PCDHGB3: variants seen among roughly 807,000 people sequenced by gnomAD.
PCDHGB3 encodes the protein protocadherin gamma subfamily B, 3.
A neutral mutation model predicts 59.2 loss-of-function variants in PCDHGB3; 40 were observed. The observed-to-expected ratio is 0.68, with a 90% CI of 0.52 to 0.88. PCDHGB3 has a LOEUF of 0.88. Ranked by LOEUF, PCDHGB3 falls within the 40% of genes least tolerant of loss-of-function variation. The probability of loss-of-function intolerance (pLI) is 0.00; values close to 1 mark genes in which losing one functional copy is unlikely to be tolerated. For synonymous variants in PCDHGB3, 581 were observed against 503.6 expected (o/e 1.15, Z -2.06); for missense variants, 1,309 against 1,187.9 (o/e 1.10, Z -1.50).
In PCDHGB3 at chr5:141,490,091, A is replaced by T; in HGVS notation, c.2416-4716A>T. 6.2e-7 allele frequency: 1 copy of T among 1,614,240 alleles called. No homozygotes were observed. Among genetic ancestry groups the T allele is most frequent in the East Asian group, 2.2e-5 (1 of 44,888 alleles). ...CAACTAGACTATTCTTTTGGAGACC[A>T]CACATCTGAGGCAGTGCGGAACCTC... On this transcript the variant is annotated intron_variant, in intron 1 of 3. Coordinates refer to ENST00000576222, the MANE Select transcript of PCDHGB3 (RefSeq NM_018924.5). The surrounding 1 kb of genome is among the most constrained non-coding windows in gnomAD (Gnocchi z 5.4).
In PCDHGB3 at chr5:141,477,031, A is replaced by C; in HGVS notation, c.2416-17776A>C. Reference sequence around the variant, plus strand: ...TAGACCTTGTAACCGGGATGCTGACAATCAAGGGTCGGCTGGACTTCGAGG... The same window carrying C: ...TAGACCTTGTAACCGGGATGCTGACCATCAAGGGTCGGCTGGACTTCGAGG... On this transcript the variant is annotated intron_variant, in intron 1 of 3. Coordinates refer to ENST00000576222, the MANE Select transcript of PCDHGB3 (RefSeq NM_018924.5). This position sits in a 1 kb window ranked among gnomAD's most constrained non-coding sequence, Gnocchi z 4.9. The C allele has an allele frequency of 6.2e-7, 1 of 1,614,248 alleles. No individual in the cohort carries two copies. Among genetic ancestry groups the C allele is most frequent in the Non-Finnish European group, 8.5e-7 (1 of 1,180,040 alleles).
chr5:141,384,366 T>A (rs573164893), intron 1 of PCDHGB3: 1 of 1,613,896 alleles, frequency 6.2e-7, no homozygotes, highest in Non-Finnish European at 8.5e-7. Context: ...AGATCACTTA[T>A]TCCTTGGCCG....
At chr5:141,381,071 G>T (rs1343917347) in intron 1 of PCDHGB3, among the ~76,000 whole-genome samples, 1 of 152,172 alleles carries the variant, frequency 6.6e-6, no homozygotes, top group Non-Finnish European at 1.5e-5. Context: ...GATAACTATG[G>T]ATTATTTTGA....
Position 141,485,138 on chromosome 5 carries a change from T to A in PCDHGB3, c.2416-9669T>A, listed in dbSNP as rs374309554. On this transcript the variant is annotated intron_variant, in intron 1 of 3. Coordinates refer to ENST00000576222, the MANE Select transcript of PCDHGB3 (RefSeq NM_018924.5). This position sits in a 1 kb window ranked among gnomAD's most constrained non-coding sequence, Gnocchi z 5.7. ...TTGGGGCGGGTCGGCTTCATCCGCG[T>A]CTCAGGAGCAAGTAGAGAATTAGCG... is the stretch of plus-strand genomic sequence containing the variant. 17 of 1,528,690 alleles carry A rather than the reference T, an allele frequency of 1.1e-5. No individual in the cohort carries two copies. The highest frequency in any genetic ancestry group is 1.3e-5 in the Non-Finnish European group (14 of 1,109,458). 94.7% of individuals were successfully genotyped at this position (1,528,690 alleles called of 1,614,324 possible).
intron 1 of PCDHGB3, chr5:141,388,083 C>A (rs942656707): frequency 1.5e-6 from 2 of 1,358,264 alleles, no homozygotes; most frequent in South Asian, 1.3e-5. Flanking sequence ...TCGAAAACTG[C>A]GCGTCAGTTC....
chr5:141,488,564 G>A (rs1047904416), intron 1 of PCDHGB3, among the ~76,000 whole-genome samples: 4 of 152,154 alleles, frequency 2.6e-5, no homozygotes, highest in Non-Finnish European at 5.9e-5. Context: ...TGAGATTTCC[G>A]CAAAGCATTG....
chr5:141,486,146 G>T lies in PCDHGB3; in HGVS notation c.2416-8661G>T. Reference sequence around the variant, plus strand: ...TGAATTTGATGTGCGGGCTCGCGATGGGGGTTCTCCAGCCATGGAGCAACA... The same window carrying T: ...TGAATTTGATGTGCGGGCTCGCGATTGGGGTTCTCCAGCCATGGAGCAACA... On this transcript the variant is annotated intron_variant, in intron 1 of 3. Transcript: ENST00000576222. The surrounding 1 kb of genome is among the most constrained non-coding windows in gnomAD (Gnocchi z 5.0). 6.2e-7 allele frequency: 1 copy of T among 1,614,184 alleles called. No homozygotes were observed. The highest frequency in any genetic ancestry group is 8.5e-7 in the Non-Finnish European group (1 of 1,180,032).
rs144804989 is a variant in PCDHGB3 at position 141,489,791 on chromosome 5, C to T, written c.2416-5016C>T. 1.9e-6 allele frequency: 3 copies of T among 1,614,056 alleles called. No individual in the cohort carries two copies. Among genetic ancestry groups the T allele is most frequent in the Admixed American group, 1.7e-5 (1 of 60,010 alleles). Reference sequence around the variant, plus strand: ...AGCCACTTCTCTCTGAATGTGAAGACCCTAAAAGATGGGAAGCCATTCCCA... The same window carrying T: ...AGCCACTTCTCTCTGAATGTGAAGATCCTAAAAGATGGGAAGCCATTCCCA... On this transcript the variant is annotated intron_variant, in intron 1 of 3. Transcript: ENST00000576222. This position sits in a 1 kb window ranked among gnomAD's most constrained non-coding sequence, Gnocchi z 4.5.
intron 1 of PCDHGB3, chr5:141,379,257 A>G (rs1561582852): frequency 6.6e-6 from 1 of 152,234 alleles, no homozygotes. Flanking sequence ...TTTACATTTA[A>G]GGAATTGTTA....
At position 141,476,753 on chromosome 5, in the gene PCDHGB3, G is replaced by C; in HGVS notation, c.2416-18054G>C. On this transcript the variant is annotated intron_variant, in intron 1 of 3. Coordinates refer to ENST00000576222, the MANE Select transcript of PCDHGB3 (RefSeq NM_018924.5). This position sits in a 1 kb window ranked among gnomAD's most constrained non-coding sequence, Gnocchi z 7.6. Reference sequence around the variant, plus strand: ...AGAACGGGAGCCTAGTCTCCAGTTAGTGCTGACGGCGTTGGACGGAGGGAC... The same window carrying C: ...AGAACGGGAGCCTAGTCTCCAGTTACTGCTGACGGCGTTGGACGGAGGGAC... 3.1e-6 allele frequency: 5 copies of C among 1,614,012 alleles called. No individual in the cohort carries two copies. The highest frequency in any genetic ancestry group is 4.2e-6 in the Non-Finnish European group (5 of 1,180,030).
intron 1 of PCDHGB3, among the ~76,000 whole-genome samples, chr5:141,382,057 G>A (rs1777911677): frequency 6.6e-6 from 1 of 151,794 alleles, no homozygotes; most frequent in Non-Finnish European, 1.5e-5. Flanking sequence ...TCAAGCTCCC[G>A]ACCTCAGGTG....
chr5:141,494,855 G>C lies in PCDHGB3; in HGVS notation c.2464G>C (p.Gly822Arg), dbSNP rs200418116. The C allele has an allele frequency of 6.2e-7, 1 of 1,614,092 alleles. No homozygotes were observed. Among genetic ancestry groups the C allele is most frequent in the South Asian group, 1.1e-5 (1 of 91,072 alleles). ...DWRFSQAQRP[G>R]TSGSQNGDDT... is the part of the protein sequence containing the mutation. ...GCGTTTCTCTCAGGCCCAGAGACCC[G>C]GCACCAGCGGGTAGGTGACTGATTC... The change falls in exon 2 of 4, where the codon GGC (glycine) becomes CGC (arginine). Residue 822 changes from glycine (G) to arginine (R), a missense_variant. Transcript: ENST00000576222.
rs753358324 is a variant in PCDHGB3, at chr5:141,487,328, G to A, written c.2416-7479G>A. On this transcript the variant is annotated intron_variant, in intron 1 of 3. Transcript: ENST00000576222. This position sits in a 1 kb window ranked among gnomAD's most constrained non-coding sequence, Gnocchi z 5.0. ...ACTACTCTCTAAGTGTCTTCGTGGG[G>A]CAGCCTGTGGAGTCACATGCTTTCC... 1.2e-6 allele frequency: 2 copies of A among 1,613,962 alleles called. No individual in the cohort carries two copies. The highest frequency in any genetic ancestry group is 2.2e-5 in the East Asian group (1 of 44,874).
intron 1 of PCDHGB3, chr5:141,403,345 A>C (rs1267522141): frequency 1.2e-6 from 2 of 1,614,050 alleles, no homozygotes; most frequent in South Asian, 2.2e-5. Context: ...ACAGCGCCCC[A>C]AAGTTCCAGG....
chr5:141,415,336 C>T (rs746539261), intron 1 of PCDHGB3: 5 of 1,614,200 alleles, frequency 3.1e-6, no homozygotes, highest in South Asian at 2.2e-5. Flanking sequence ...GCACAGGCTG[C>T]GGCGCTGGCA....
Position 141,370,878 on chromosome 5 carries a change from G to C in PCDHGB3, c.484G>C (p.Val162Leu), listed in dbSNP as rs906619365. Reference sequence around the variant, plus strand: ...CCTGGAATCTGCGCAAGATCCTGATGTAGGTGTCAATTCGCTGCAGCAGTA... The same window carrying C: ...CCTGGAATCTGCGCAAGATCCTGATCTAGGTGTCAATTCGCTGCAGCAGTA... Reference protein sequence around the residue: ...FALESAQDPDVGVNSLQQYYL... With the variant: ...FALESAQDPDLGVNSLQQYYL... Residue 162 changes from valine to leucine, a missense_variant, in exon 1 of 4, where the codon GTA (valine) becomes CTA (leucine). Coordinates refer to ENST00000576222, the MANE Select transcript of PCDHGB3 (RefSeq NM_018924.5). 6 of 1,613,918 alleles carry C rather than the reference G, an allele frequency of 3.7e-6. No individual in the cohort carries two copies. Among genetic ancestry groups the C allele is most frequent in the Non-Finnish European group, 5.1e-6 (6 of 1,179,908 alleles).
In PCDHGB3 at chr5:141,486,047, C is replaced by T. The variant is rs763394605; in HGVS notation, c.2416-8760C>T. Reference sequence around the variant, plus strand: ...TCATACCCCTGATCGTGTAAGAAACCTCTTTAGCCTGCACCCCACTACTGG... The same window carrying T: ...TCATACCCCTGATCGTGTAAGAAACTTCTTTAGCCTGCACCCCACTACTGG... On this transcript the variant is annotated intron_variant, in intron 1 of 3. Transcript: ENST00000576222. The surrounding 1 kb of genome is among the most constrained non-coding windows in gnomAD (Gnocchi z 5.0). 2.5e-6 allele frequency: 4 copies of T among 1,614,054 alleles called. No individual in the cohort carries two copies. The African/African-American group carries it at 5.3e-5, about 22-fold the overall frequency.
intron 1 of PCDHGB3, among the ~76,000 whole-genome samples, chr5:141,468,952 G>GT (rs34870721): frequency 0.24 from 35,946 of 151,248 alleles, 4,442 homozygotes; most frequent in Admixed American, 0.32. Flanking sequence ...TAAACCTGTG[G>GT]TTTTTTTTAC....
intron 1 of PCDHGB3, among the ~76,000 whole-genome samples, chr5:141,454,985 A>G (rs1292477757): frequency 1.3e-5 from 2 of 150,314 alleles, no homozygotes; most frequent in African/African-American, 4.9e-5. Context: ...TTTTTTAAAA[A>G]ATATTTTTAG....
Sources: allele counts gnomAD v4.1 joint callset (sites outside exome capture counted in the v4.1 genomes callset), GRCh38; gene constraint gnomAD v4.1.1; non-coding constraint Gnocchi (gnomAD v3.1); transcripts MANE v1.5; gene names NCBI Gene and HGNC (gene_info 2026-07-23, HGNC 2026-07-21).